The following CACNB2 variants were observed in gnomAD, a reference collection of about 807,000 sequenced individuals.
CACNB2 encodes the protein calcium voltage-gated channel auxiliary subunit beta 2.
In CACNB2, 42 loss-of-function variants were observed where a neutral mutation model predicts 73.3. The ratio of observed to expected loss-of-function variants is 0.57; its 90% CI spans 0.45 to 0.74. The LOEUF is 0.74. Among genes scored for constraint, CACNB2 ranks in the 30% least tolerant of loss-of-function variants. The probability of loss-of-function intolerance (pLI) is 0.00; values close to 1 mark genes in which losing one functional copy is unlikely to be tolerated. For missense variants in CACNB2, 940 were observed against 853.0 expected, an observed-to-expected ratio of 1.10 and a Z score of -1.27; for synonymous variants, 348 against 310.3, an observed-to-expected ratio of 1.12 and a Z score of -1.28.
At chr10:18,262,366 A>G (rs1201054304) in intron 2 of CACNB2, among the ~76,000 whole-genome samples, 1 of 152,140 alleles carries the variant, frequency 6.6e-6, no homozygotes. Flanking sequence ...CCTTAAAGAG[A>G]GTATTCAATT....
intron 3 of CACNB2, among the ~76,000 whole-genome samples, chr10:18,442,204 C>G (rs2046441878): frequency 6.6e-6 from 1 of 151,956 alleles, no homozygotes; most frequent in Admixed American, 6.5e-5. Context: ...GGCTGGAGGA[C>G]AATGGCGCGA....
chr10:18,422,765 C>T (rs2045395568), intron 3 of CACNB2, among the ~76,000 whole-genome samples: 1 of 152,148 alleles, frequency 6.6e-6, no homozygotes, highest in Non-Finnish European at 1.5e-5. Flanking sequence ...AATGGCGGAT[C>T]TCAGCTCACT....
chr10:18,464,080 G>A (rs763980431), intron 3 of CACNB2, among the ~76,000 whole-genome samples: 10 of 151,698 alleles, frequency 6.6e-5, no homozygotes, highest in Non-Finnish European at 1.0e-4. Flanking sequence ...CTTCACAATC[G>A]TTGAACCCTA....
At chr10:18,495,723 A>T (rs191156672) in intron 3 of CACNB2, among the ~76,000 whole-genome samples, 179 of 152,120 alleles carry the variant, frequency 1.2e-3, no homozygotes, top group African/African-American at 3.5e-3. Flanking sequence ...CTTTTAAAAA[A>T]ATATATATTT....
chr10:18,163,618 T>C (rs1222336432), intron 2 of CACNB2, among the ~76,000 whole-genome samples: 1 of 152,218 alleles, frequency 6.6e-6, no homozygotes, highest in Non-Finnish European at 1.5e-5. Context: ...TGTTTCGTAT[T>C]GAGCATATAT....
At chr10:18,388,220 C>T (rs1243012229) in intron 2 of CACNB2, among the ~76,000 whole-genome samples, 1 of 152,116 alleles carries the variant, frequency 6.6e-6, no homozygotes, top group Non-Finnish European at 1.5e-5. Context: ...ATTTGCAAGA[C>T]AAGAAATAGG....
chr10:18,379,540 G>A (rs1044647813), intron 2 of CACNB2, among the ~76,000 whole-genome samples: 4 of 151,978 alleles, frequency 2.6e-5, no homozygotes, highest in Non-Finnish European at 5.9e-5. Flanking sequence ...TAAGTGTACA[G>A]TTCTACAGCA....
At chr10:18,274,234 A>T (rs560272306) in intron 2 of CACNB2, among the ~76,000 whole-genome samples, 1 of 152,330 alleles carries the variant, frequency 6.6e-6, no homozygotes, top group South Asian at 2.1e-4. Flanking sequence ...CCAGAAAAAA[A>T]AAGAGGAGAG....
intron 2 of CACNB2, among the ~76,000 whole-genome samples, chr10:18,271,396 T>C (rs986403690): frequency 2.6e-5 from 4 of 152,208 alleles, no homozygotes; most frequent in Admixed American, 2.0e-4. Flanking sequence ...AAACTAACTT[T>C]GTTTTAAAAC....
intron 2 of CACNB2, among the ~76,000 whole-genome samples, chr10:18,298,008 G>C (rs1243177678): frequency 6.6e-6 from 1 of 152,134 alleles, no homozygotes; most frequent in Non-Finnish European, 1.5e-5. Flanking sequence ...CTGAACTTTT[G>C]CTTTTTCTAT....
rs1206481373 is a variant in CACNB2, at chr10:18,540,638, GATT to G, written c.*915_*917del. On this transcript the variant is annotated 3_prime_UTR_variant, in exon 14 of 14. Transcript: ENST00000324631. ...TGTTCTACTCCATACAGTTCACACT[GATT>G]GTGACACATTCTTAGTAGCTAGTGT... The G allele has an allele frequency of 6.6e-6, 1 of 152,554 alleles. No individual in the cohort carries two copies. The highest frequency in any genetic ancestry group is 1.5e-5 in the Non-Finnish European group (1 of 68,030). 9.5% of individuals were successfully genotyped at this position (152,554 alleles called of 1,614,324 possible).
chr10:18,525,033 A>AAAC (rs1202563679), intron 9 of CACNB2, among the ~76,000 whole-genome samples: 1 of 150,668 alleles, frequency 6.6e-6, no homozygotes, highest in Non-Finnish European at 1.5e-5. Context: ...GCTGTCTAAA[A>AAAC]AAAAAAAAAA....
chr10:18,507,878 A>G (rs1358933585), intron 6 of CACNB2, among the ~76,000 whole-genome samples: 1 of 152,220 alleles, frequency 6.6e-6, no homozygotes, highest in Non-Finnish European at 1.5e-5. Flanking sequence ...ACTAATAATC[A>G]GCTTCATTCC....
rs1202044759 is a variant in CACNB2 at position 18,535,034 on chromosome 10, AAAGTT to A, written c.1206+808_1206+812del. Among the ~76,000 whole-genome samples the A allele has an allele frequency of 4.6e-5, 7 of 152,224 alleles. 1 individual carries two copies. Among genetic ancestry groups the A allele is most frequent in the Admixed American group, 3.3e-4 (5 of 15,286 alleles). Reference sequence around the variant, plus strand: ...TCTGAGAACTTGCAAGCTTCCCAATAAAGTTTTCTCTGAGATCAATGGTAATATTA... The same window carrying A: ...TCTGAGAACTTGCAAGCTTCCCAATATTCTCTGAGATCAATGGTAATATTA... On this transcript the variant is annotated intron_variant, in intron 11 of 13. Transcript: ENST00000324631.
At chr10:18,369,266 CT>C (rs920578965) in intron 2 of CACNB2, among the ~76,000 whole-genome samples, 6 of 152,098 alleles carry the variant, frequency 3.9e-5, no homozygotes, top group African/African-American at 1.2e-4. Flanking sequence ...TCTTTTAGTT[CT>C]GTTTTTCTCC....
Position 18,539,609 on chromosome 10 carries a change from A to G in CACNB2, c.1868A>G (p.Lys623Arg). 1 of 1,613,952 alleles carries G rather than the reference A, an allele frequency of 6.2e-7. No individual in the cohort carries two copies. Among genetic ancestry groups the G allele is most frequent in the Non-Finnish European group, 8.5e-7 (1 of 1,179,920 alleles). ...DREQDHNECN[K>R]QRSRHKSKDR... ...GAGCAGGACCACAACGAGTGCAACA[A>G]GCAGCGCAGCCGTCATAAATCCAAG... Residue 623 changes from lysine (K) to arginine (R), a missense_variant, in exon 14 of 14, where the codon AAG becomes AGG. Transcript: ENST00000324631.
intron 9 of CACNB2, among the ~76,000 whole-genome samples, chr10:18,524,541 G>A (rs574737379): frequency 6.6e-6 from 1 of 151,466 alleles, no homozygotes; most frequent in Non-Finnish European, 1.5e-5. Context: ...TGTAATCCCA[G>A]CTACTCAGGA....
chr10:18,294,990 C>G (rs567502381), intron 2 of CACNB2, among the ~76,000 whole-genome samples: 1 of 152,206 alleles, frequency 6.6e-6, no homozygotes, highest in African/African-American at 2.4e-5. Context: ...AGACGCCCAT[C>G]TCATCACCCT....
intron 2 of CACNB2, among the ~76,000 whole-genome samples, chr10:18,297,194 C>A (rs1029879602): frequency 2.0e-5 from 3 of 152,172 alleles, no homozygotes; most frequent in Non-Finnish European, 2.9e-5. Context: ...CACTTCTATT[C>A]AATATGTTTC....
Sources: gnomAD v4.1 joint callset for allele counts (sites outside exome capture counted in the v4.1 genomes callset) on GRCh38, gnomAD v4.1.1 for gene constraint, MANE v1.5 for transcripts, NCBI Gene and HGNC (gene_info 2026-07-23, HGNC 2026-07-21) for gene names.